Variants in CPT1A observed in about 807,000 individuals in gnomAD.
CPT1A encodes carnitine palmitoyltransferase 1A.
CPT1A carries 64 observed loss-of-function variants against 100.8 expected under a neutral mutation model. That is an observed-to-expected ratio of 0.63 (90% CI 0.52 to 0.78). The LOEUF (loss-of-function observed/expected upper bound fraction) is 0.78. Among genes scored for constraint, CPT1A ranks in the 30% least tolerant of loss-of-function variants. The pLI is 0.00. For synonymous variants in CPT1A, 363 were observed against 396.0 expected (o/e 0.92, Z 0.99); for missense variants, 802 against 1,034.1 (o/e 0.78, Z 3.08).
At chr11:68,790,535 A>C (rs1249855393) in intron 9 of CPT1A, among the ~76,000 whole-genome samples, 1 of 152,170 alleles carries the variant, frequency 6.6e-6, no homozygotes, top group Non-Finnish European at 1.5e-5. Context: ...TATGCCTACA[A>C]GCCAAGGAGC....
chr11:68,825,582 G>A (rs1445148808), intron 1 of CPT1A, among the ~76,000 whole-genome samples: 2 of 152,146 alleles, frequency 1.3e-5, no homozygotes, highest in African/African-American at 2.4e-5. Flanking sequence ...CCACCTGCTT[G>A]CCCAACCCAA....
At chr11:68,840,729 C>CGCT (rs1348550205) in intron 1 of CPT1A, among the ~76,000 whole-genome samples, 5 of 152,308 alleles carry the variant, frequency 3.3e-5, no homozygotes, top group Middle Eastern at 3.4e-3. Flanking sequence ...ATTATAAAGA[C>CGCT]GCTGACCCAT....
chr11:68,773,264 C>T lies in CPT1A; in HGVS notation c.1740+1G>A. On this transcript the variant is annotated splice_donor_variant, in intron 14 of 18. Transcript: ENST00000265641. LOFTEE classifies it high-confidence loss of function. ...CAAAACCCTAGGCGGTCAGTTCTTA[C>T]CTTGTAGTGCGCCAGCTGGAGGGCC... is the stretch of plus-strand genomic sequence containing the variant. 1 of 1,614,008 alleles carries T rather than the reference C, an allele frequency of 6.2e-7. No homozygotes were observed. The highest frequency in any genetic ancestry group is 8.5e-7 in the Non-Finnish European group (1 of 1,180,006).
chr11:68,782,847 C>T (rs1467090817), intron 10 of CPT1A, among the ~76,000 whole-genome samples: 2 of 152,144 alleles, frequency 1.3e-5, no homozygotes, highest in Non-Finnish European at 1.5e-5. Flanking sequence ...TGACGGTGGC[C>T]GGCACGTACG....
At chr11:68,842,085 C>G (rs548688488), upstream of CPT1A, among the ~76,000 whole-genome samples, 17 of 151,936 alleles carry the variant, frequency 1.1e-4, no homozygotes, top group Non-Finnish European at 2.5e-4. Context: ...GGGTCTAGGA[C>G]GAGATTCCTC....
chr11:68,788,630 TAAA>T lies in CPT1A; in HGVS notation c.968-3623_968-3621del. Among the ~76,000 whole-genome samples, 8 of 27,556 alleles carry T rather than the reference TAAA, an allele frequency of 2.9e-4. No individual in the cohort carries two copies. The East Asian group carries it at 6.1e-3, about 21-fold the overall frequency. 18.1% of individuals were successfully genotyped at this position (27,556 alleles called of 152,430 possible). A position where few individuals can be genotyped will look rare whatever the true frequency, so the allele number is the denominator to read the frequency against. Reference sequence around the variant, plus strand: ...ACAAAAACAAACAAACAAACAAAAGTAAAAAAAAAAAAAAAAAAAAAAAAGCAG... The same window carrying T: ...ACAAAAACAAACAAACAAACAAAAGTAAAAAAAAAAAAAAAAAAAAAGCAG... On this transcript the variant is annotated intron_variant, in intron 9 of 18. Transcript: ENST00000265641.
At chr11:68,828,653 C>T (rs1246788096) in intron 1 of CPT1A, among the ~76,000 whole-genome samples, 1 of 152,232 alleles carries the variant, frequency 6.6e-6, no homozygotes, top group Non-Finnish European at 1.5e-5. Context: ...GCCACCAACA[C>T]TGGGCAGCCT....
At chr11:68,789,257 T>C (rs919397040) in intron 9 of CPT1A, among the ~76,000 whole-genome samples, 1 of 152,180 alleles carries the variant, frequency 6.6e-6, no homozygotes, top group Non-Finnish European at 1.5e-5. Context: ...TCCCTTTTTT[T>C]ATTTTGGGGA....
At chr11:68,833,380 C>T (rs1027181089) in intron 1 of CPT1A, among the ~76,000 whole-genome samples, 4 of 152,240 alleles carry the variant, frequency 2.6e-5, no homozygotes, top group South Asian at 2.1e-4. Flanking sequence ...TGAGCCACAT[C>T]GTTATTCAAT....
At position 68,780,665 on chromosome 11, in the gene CPT1A, G is replaced by A. The variant is rs2153997775; in HGVS notation, c.1433C>T (p.Ala478Val). ...CTCCCAAAGGTGGGCCACGATCGGC[G>A]CATCTGCCCAGGAGTGTTCAGCGTT... ...GLNAEHSWAD[A>V]PIVAHLWEYV... The change falls in exon 12 of 19, where the codon GCG becomes GTG. Residue 478 changes from alanine to valine, a missense_variant. Ala to Val is a moderately conservative substitution (Grantham distance 64, BLOSUM62 0). This residue lies in a region of CPT1A where 627 missense variants were observed against 799.3 expected (regional missense o/e 0.78). Coordinates refer to ENST00000265641, the MANE Select transcript of CPT1A (RefSeq NM_001876.4). 2 of 1,614,120 alleles carry A rather than the reference G, an allele frequency of 1.2e-6. No individual in the cohort carries two copies. Among genetic ancestry groups the A allele is most frequent in the South Asian group, 1.1e-5 (1 of 91,080 alleles).
intron 12 of CPT1A, among the ~76,000 whole-genome samples, chr11:68,778,961 T>C (rs1855220282): frequency 6.6e-6 from 1 of 151,904 alleles, no homozygotes; most frequent in Admixed American, 6.5e-5. Flanking sequence ...AATTTTTGTA[T>C]TTTTAGTAGA....
At chr11:68,768,265 C>T (rs1385985249) in intron 14 of CPT1A, among the ~76,000 whole-genome samples, 5 of 151,278 alleles carry the variant, frequency 3.3e-5, no homozygotes, top group African/African-American at 1.2e-4. Context: ...TTAGTAGAGA[C>T]GGGGTTTCAT....
At chr11:68,761,762 G>A (rs543208044) in intron 15 of CPT1A, 75 bp from the exon 16 acceptor site, 67 of 1,520,210 alleles carry the variant, frequency 4.4e-5, no homozygotes, top group East Asian at 3.8e-4. Flanking sequence ...GTTAGCCACC[G>A]CACCCGGCTA....
chr11:68,830,908 C>A (rs1046139921), intron 1 of CPT1A, among the ~76,000 whole-genome samples: 4 of 152,238 alleles, frequency 2.6e-5, no homozygotes, highest in African/African-American at 7.2e-5. Context: ...TCCAAATACA[C>A]TTCTCAAGGA....
chr11:68,812,627 G>A (rs1415526324), intron 2 of CPT1A, 51 bp from the exon 3 acceptor site: 2 of 1,610,544 alleles, frequency 1.2e-6, no homozygotes, highest in Admixed American at 1.7e-5. Context: ...AACCCACAGG[G>A]CAATGACGCT....
chr11:68,808,389 G>A (rs539266113), intron 3 of CPT1A, among the ~76,000 whole-genome samples: 2 of 143,748 alleles, frequency 1.4e-5, no homozygotes, highest in South Asian at 2.2e-4. Context: ...TTTTTTTTTC[G>A]AGACAAGAGT....
intron 1 of CPT1A, among the ~76,000 whole-genome samples, chr11:68,818,174 G>A (rs993196302): frequency 1.3e-5 from 2 of 152,100 alleles, no homozygotes; most frequent in Non-Finnish European, 1.5e-5. Context: ...CAGGGACAGT[G>A]ACAGTGTGGA....
chr11:68,769,098 T>C (rs565074548), intron 14 of CPT1A, among the ~76,000 whole-genome samples: 3 of 152,298 alleles, frequency 2.0e-5, no homozygotes, highest in African/African-American at 7.2e-5. Context: ...ATTATTTTTT[T>C]CCAAAGGCAA....
At chr11:68,771,152 G>A (rs1185340144) in intron 14 of CPT1A, among the ~76,000 whole-genome samples, 1 of 152,186 alleles carries the variant, frequency 6.6e-6, no homozygotes, top group African/African-American at 2.4e-5. Flanking sequence ...TCACAAGGGT[G>A]GCTCCCTGAC....
Sources: gnomAD v4.1 joint callset for allele counts (sites outside exome capture counted in the v4.1 genomes callset) on GRCh38, gnomAD v4.1.1 for gene constraint, gnomAD v4.1.1 regional missense constraint, MANE v1.5 for transcripts, NCBI Gene and HGNC (gene_info 2026-07-23, HGNC 2026-07-21) for gene names.